Variants in DCDC1 observed in about 807,000 individuals in gnomAD.
DCDC1 encodes doublecortin domain containing 1.
A neutral mutation model predicts 178.3 loss-of-function variants in DCDC1; 200 were observed. The ratio of observed to expected loss-of-function variants is 1.12; its 90% CI spans 1.00 to 1.26. The LOEUF (loss-of-function observed/expected upper bound fraction) is 1.26, where lower values mean the gene tolerates loss of function less well. Ranked by LOEUF, DCDC1 falls within the 50% of genes most tolerant of loss-of-function variation. The pLI, the probability that DCDC1 is intolerant of heterozygous loss-of-function variation, is 0.00. For synonymous variants in DCDC1, 690 were observed against 604.8 expected, an observed-to-expected ratio of 1.14 and a Z score of -2.07; for missense variants, 1,983 against 1,749.2, an observed-to-expected ratio of 1.13 and a Z score of -2.38.
rs763197588 is a variant in DCDC1 at position 30,906,612 on chromosome 11, G to A, written c.4032C>T (p.Phe1344=). Residue 1344 remains phenylalanine (F), a synonymous_variant, in exon 30 of 39, where the codon TTC becomes TTT. Transcript: ENST00000684477. ...GLKQLLPGVP[F]LCISGTKTQK... ...GAGTCTTGGTGCCTGAAATACAGAG[G>A]AATGGAACCCCTGGAAGCAATTGTT... 7 of 1,613,356 alleles carry A rather than the reference G, an allele frequency of 4.3e-6. No homozygotes were observed. The highest frequency in any genetic ancestry group is 3.3e-5 in the Admixed American group (2 of 59,922).
intron 6 of DCDC1, among the ~76,000 whole-genome samples, chr11:31,294,880 A>G (rs536710315): frequency 3.2e-4 from 49 of 151,930 alleles, no homozygotes; most frequent in African/African-American, 1.2e-3. Flanking sequence ...AAGAAAACAG[A>G]AAGAGTGTAT....
intron 20 of DCDC1, among the ~76,000 whole-genome samples, chr11:31,040,573 T>C (rs1030239404): frequency 1.3e-5 from 2 of 152,202 alleles, no homozygotes; most frequent in Non-Finnish European, 2.9e-5. Flanking sequence ...TTCTAACTGA[T>C]AGCCATAAAA....
Position 31,055,261 on chromosome 11 carries a change from A to G in DCDC1, c.2591+9208T>C, listed in dbSNP as rs139282934. On this transcript the variant is annotated intron_variant, in intron 20 of 38. Transcript: ENST00000684477. ...CTCCACACCACTAATGATCATGGAA[A>G]TGCAAATCAAAACCACAATGCAATA... Among the ~76,000 whole-genome samples, 777 of 152,312 alleles carry G rather than the reference A, an allele frequency of 5.1e-3. 6 individuals carry two copies. Among genetic ancestry groups the G allele is most frequent in the African/African-American group, 0.018 (736 of 41,576 alleles).
At chr11:31,280,047 T>C (rs908260514) in intron 7 of DCDC1, among the ~76,000 whole-genome samples, 8 of 152,130 alleles carry the variant, frequency 5.3e-5, no homozygotes, top group African/African-American at 1.7e-4. Flanking sequence ...TATGACCTCA[T>C]AGATCATCTA....
At chr11:30,925,436 T>C (rs1483771974) in intron 22 of DCDC1, 28 bp from the exon 23 acceptor site, 2 of 1,596,668 alleles carry the variant, frequency 1.3e-6, no homozygotes, top group Admixed American at 1.7e-5. Flanking sequence ...AAAATTGACC[T>C]TGCATACAGA....
In DCDC1 at chr11:30,972,028, G is replaced by A. The variant is rs535157788; in HGVS notation, c.2592-19460C>T. Among the ~76,000 whole-genome samples the A allele has an allele frequency of 9.9e-5, 15 of 152,214 alleles. No homozygotes were observed. In the East Asian group the frequency reaches 2.7e-3, roughly 27 times the overall value. On this transcript the variant is annotated intron_variant, in intron 20 of 38. Coordinates refer to ENST00000684477, the MANE Select transcript of DCDC1 (RefSeq NM_001387274.1). ...ATTTGAATTTCCAGTGTCCCAGGAGGCAAATAGAAAACAAAAAGGATAGAA... is the reference window on the plus strand; with the variant it reads ...ATTTGAATTTCCAGTGTCCCAGGAGACAAATAGAAAACAAAAAGGATAGAA...
intron 7 of DCDC1, among the ~76,000 whole-genome samples, chr11:31,277,954 T>C (rs1946115903): frequency 6.6e-6 from 1 of 152,124 alleles, no homozygotes; most frequent in Admixed American, 6.6e-5. Context: ...ATTTTTTGTG[T>C]CCTAAGAAAT....
At chr11:31,153,305 C>T (rs1418249512) in intron 9 of DCDC1, among the ~76,000 whole-genome samples, 2 of 152,158 alleles carry the variant, frequency 1.3e-5, no homozygotes, top group Non-Finnish European at 2.9e-5. Context: ...TAGTTATTCT[C>T]ATGTTATACA....
Position 30,920,919 on chromosome 11 carries a change from G to A in DCDC1, c.3150C>T (p.Val1050=), listed in dbSNP as rs1946206705. ...THKIEALVLE[V]QSDIVSGSKL... ...TGCTTCCAGATACAATGTCACTTTG[G>A]ACTTCTAAAACAAGAGCTGAGCAGA... Residue 1050 remains valine (V), a synonymous_variant, in exon 25 of 39, where the codon GTC becomes GTT. Coordinates refer to ENST00000684477, the MANE Select transcript of DCDC1 (RefSeq NM_001387274.1). The A allele has an allele frequency of 6.2e-7, 1 of 1,611,294 alleles. No individual in the cohort carries two copies. Among genetic ancestry groups the A allele is most frequent in the African/African-American group, 1.3e-5 (1 of 74,906 alleles).
intron 2 of DCDC1, among the ~76,000 whole-genome samples, chr11:31,334,139 C>A (rs1266417802): frequency 6.6e-6 from 1 of 152,096 alleles, no homozygotes; most frequent in Non-Finnish European, 1.5e-5. Flanking sequence ...GATCTTCAAC[C>A]ACTGATACTC....
At chr11:31,064,106 T>C (rs1275042777) in intron 20 of DCDC1, among the ~76,000 whole-genome samples, 1 of 152,098 alleles carries the variant, frequency 6.6e-6, no homozygotes, top group Non-Finnish European at 1.5e-5. Context: ...TCATGGAAAA[T>C]AAAAAGGATT....
chr11:30,899,624 TTTTCTGC>T lies in DCDC1; in HGVS notation c.4675_4681del (p.Ala1559AsnfsTer2), dbSNP rs1175734618. On this transcript the variant is annotated frameshift_variant, in exon 34 of 39. Transcript: ENST00000684477. LOFTEE classifies it high-confidence loss of function. ...TTTTAGCCAGTTCTGTTTCTCTAAT[TTTTCTGC>T]TTTCTGCAAAGCTAGAATAATAAAA... is the stretch of plus-strand genomic sequence containing the variant. 2 of 1,567,302 alleles carry T rather than the reference TTTTCTGC, an allele frequency of 1.3e-6. No individual in the cohort carries two copies. Among genetic ancestry groups the T allele is most frequent in the African/African-American group, 2.7e-5 (2 of 73,654 alleles).
At chr11:31,314,587 G>T (rs1053023903) in intron 3 of DCDC1, 3 of 152,152 alleles carry the variant, frequency 2.0e-5, no homozygotes, top group Non-Finnish European at 4.4e-5. Context: ...GCTCATTCAG[G>T]TTGGTGCCAG....
chr11:31,102,100 A>C, intron 15 of DCDC1, 77 bp downstream of exon 15: 1 of 508,018 alleles, frequency 2.0e-6, no homozygotes. Flanking sequence ...AAAAACTGTC[A>C]CAAATATTCA....
intron 36 of DCDC1, chr11:30,882,972 A>G (rs979313151): frequency 6.6e-6 from 1 of 152,212 alleles, no homozygotes; most frequent in Non-Finnish European, 1.5e-5. Flanking sequence ...GCTCAGATAC[A>G]GGAGAGATGC....
At position 30,863,621 on chromosome 11, in the gene DCDC1, G is replaced by C. The variant is rs1437411484; in HGVS notation, c.*1752C>G. 1 of 152,138 alleles carries C rather than the reference G, an allele frequency of 6.6e-6. No homozygotes were observed. The highest frequency in any genetic ancestry group is 1.5e-5 in the Non-Finnish European group (1 of 68,018). 9.4% of individuals were successfully genotyped at this position (152,138 alleles called of 1,614,324 possible). A position where few individuals can be genotyped will look rare whatever the true frequency, so the allele number is the denominator to read the frequency against. On this transcript the variant is annotated 3_prime_UTR_variant, in exon 39 of 39. Transcript: ENST00000684477. ...CCACACATGCTAATAAATCTACATG[G>C]TTTATTGTTTTTGAATAAAACAAAA...
At chr11:31,095,863 T>G (rs1958117095) in intron 15 of DCDC1, among the ~76,000 whole-genome samples, 1 of 152,210 alleles carries the variant, frequency 6.6e-6, no homozygotes, top group South Asian at 2.1e-4. Flanking sequence ...TATTCTAGGT[T>G]TTTTAGTACC....
rs150388476 is a variant in DCDC1, at chr11:30,915,590, G to A, written c.3574C>T (p.Arg1192Ter). The A allele has an allele frequency of 4.9e-5, 79 of 1,613,910 alleles. No individual in the cohort carries two copies. Among genetic ancestry groups the A allele is most frequent in the South Asian group, 4.0e-4 (36 of 91,076 alleles). Reference protein sequence around the residue: ...LVLGVQGPNLRSGMEVVLVEK... With the variant: ...LVLGVQGPNL ...ACCAAAACCACCTCCATGCCTGATC[G>A]GAGATTGGGACCTTGAACCCCCAAG... Residue 1192 changes from arginine to a stop codon, truncating the protein, a stop_gained, in exon 27 of 39, where the codon CGA (arginine) becomes TGA (stop). Transcript: ENST00000684477. LOFTEE classifies it high-confidence loss of function.
intron 9 of DCDC1, among the ~76,000 whole-genome samples, chr11:31,205,581 T>C (rs1971769947): frequency 6.6e-6 from 1 of 152,182 alleles, no homozygotes; most frequent in Non-Finnish European, 1.5e-5. Context: ...ATCTTACAGG[T>C]TACTTGTGTA....
Sources: gnomAD v4.1 joint callset for allele counts (sites outside exome capture counted in the v4.1 genomes callset) on GRCh38, gnomAD v4.1.1 for gene constraint, MANE v1.5 for transcripts, NCBI Gene and HGNC (gene_info 2026-07-23, HGNC 2026-07-21) for gene names.